COBL: variants seen among roughly 807,000 people sequenced by gnomAD.
COBL encodes protein cordon-bleu.
Under a neutral mutation model 98.8 loss-of-function variants are expected in COBL, and 51 were observed. The observed-to-expected ratio is 0.52, with a 90% CI of 0.41 to 0.65. The LOEUF (loss-of-function observed/expected upper bound fraction) is 0.65, where lower values mean the gene tolerates loss of function less well. Ranked by LOEUF, COBL falls within the 30% of genes least tolerant of loss-of-function variation. The pLI is 0.00. For missense variants in COBL, 1,617 were observed against 1,617.5 expected (o/e 1.00, Z 0.01); for synonymous variants, 634 against 651.7 (o/e 0.97, Z 0.41).
intron 1 of COBL, among the ~76,000 whole-genome samples, chr7:51,301,822 G>C (rs983895714): frequency 2.6e-5 from 4 of 152,212 alleles, no homozygotes; most frequent in African/African-American, 9.6e-5. Context: ...ACTGTGCTGG[G>C]AACCCCTGTG....
chr7:51,064,881 C>T (rs1199888858), intron 7 of COBL: 1 of 442,184 alleles, frequency 2.3e-6, no homozygotes, highest in East Asian at 3.6e-5. Context: ...CAGGCCTGAG[C>T]ACAGTCTCCA....
At chr7:51,025,081 T>G (rs761769075) in intron 12 of COBL, 28 bp downstream of exon 12, 4 of 1,611,756 alleles carry the variant, frequency 2.5e-6, no homozygotes, top group Non-Finnish European at 3.4e-6. Flanking sequence ...CTGGCCCCAT[T>G]GAAATGCGCA....
At chr7:51,287,843 AG>A (rs1230118155) in intron 1 of COBL, among the ~76,000 whole-genome samples, 7 of 152,176 alleles carry the variant, frequency 4.6e-5, no homozygotes, top group Non-Finnish European at 7.3e-5. Flanking sequence ...TCAAAAAAAA[AG>A]AAAAAAAAAT....
In COBL at chr7:51,017,338, T is replaced by C. The variant is rs1214644035; in HGVS notation, c.*213A>G. ...TTAAGATATTCAGAGGCAAAACACA[T>C]TTCCTTGGCACACGAGCTGCGCAGC... On this transcript the variant is annotated 3_prime_UTR_variant, in exon 13 of 13. Coordinates refer to ENST00000265136, the MANE Select transcript of COBL (RefSeq NM_015198.5). 1 of 607,464 alleles carries C rather than the reference T, an allele frequency of 1.6e-6. No individual in the cohort carries two copies. Among genetic ancestry groups the C allele is most frequent in the East Asian group, 2.8e-5 (1 of 36,348 alleles). The allele number at this position is 607,464 out of a possible 1,614,324, so 37.6% of individuals were successfully genotyped here.
chr7:51,209,046 T>TAAAAAAAAA (rs572689062), intron 2 of COBL, among the ~76,000 whole-genome samples: 1 of 43,432 alleles, frequency 2.3e-5, no homozygotes, highest in African/African-American at 8.1e-5. Flanking sequence ...AATGATCAAT[T>TAAAAAAAAA]AAAAAAAAAA....
rs542063209 is a variant in COBL at position 51,101,483 on chromosome 7, AT to A, written c.958-16180del. On this transcript the variant is annotated intron_variant, in intron 6 of 12. Transcript: ENST00000265136. The stretch of plus-strand genomic sequence containing the variant: ...TAACTTGTCCAAGATCATACAAGTA[AT>A]AAGTGAGCAGAGTGAGGATTTAGCT... Among the ~76,000 whole-genome samples, 9 of 152,370 alleles carry A rather than the reference AT, an allele frequency of 5.9e-5. No individual in the cohort carries two copies. In the East Asian group the frequency reaches 1.7e-3, roughly 29 times the overall value.
intron 1 of COBL, among the ~76,000 whole-genome samples, chr7:51,309,761 C>A (rs1802836178): frequency 6.6e-6 from 1 of 152,240 alleles, no homozygotes; most frequent in Non-Finnish European, 1.5e-5. Context: ...TCACAGGCCA[C>A]AAACCAATGA....
chr7:51,072,204 T>G (rs1792628154), intron 7 of COBL: 1 of 152,116 alleles, frequency 6.6e-6, no homozygotes, highest in Non-Finnish European at 1.5e-5. Flanking sequence ...GAGAGAAACA[T>G]GACAAGCTTC....
At chr7:51,078,609 G>A (rs1481009442) in intron 7 of COBL, among the ~76,000 whole-genome samples, 3 of 152,188 alleles carry the variant, frequency 2.0e-5, no homozygotes, top group Non-Finnish European at 2.9e-5. Context: ...AAAATGTAGA[G>A]GCTTAAAACA....
intron 2 of COBL, among the ~76,000 whole-genome samples, chr7:51,209,046 T>TAAAAAAAAAAA (rs572689062): frequency 6.9e-5 from 3 of 43,424 alleles, no homozygotes; most frequent in African/African-American, 2.4e-4. Context: ...AATGATCAAT[T>TAAAAAAAAAAA]AAAAAAAAAA....
At chr7:51,091,854 G>T (rs980484986) in intron 6 of COBL, among the ~76,000 whole-genome samples, 1 of 152,156 alleles carries the variant, frequency 6.6e-6, no homozygotes, top group South Asian at 2.1e-4. Context: ...TTGCAAGCCA[G>T]AAGAGGGTGG....
rs1359491135 is a variant in COBL at position 51,028,719 on chromosome 7, A to T, written c.2377T>A (p.Ser793Thr). ...PSESSARGPP[S>T]TPVPTQTQNP... ...TGCGTCTGCGTGGGCACAGGGGTGG[A>T]GGGGGGTCCCCTGGCAGAGCTCTCT... The change falls in exon 10 of 13, where the codon TCC becomes ACC. Residue 793 changes from serine to threonine, a missense_variant. Transcript: ENST00000265136. The T allele has an allele frequency of 6.2e-7, 1 of 1,613,878 alleles. No individual in the cohort carries two copies. Among genetic ancestry groups the T allele is most frequent in the South Asian group, 1.1e-5 (1 of 91,048 alleles).
At chr7:51,156,631 G>T in intron 5 of COBL, 1 of 973,034 alleles carries the variant, frequency 1.0e-6, no homozygotes. Flanking sequence ...TTGAGAAATA[G>T]CTAGTCATTT....
intron 1 of COBL, among the ~76,000 whole-genome samples, chr7:51,273,943 G>A (rs1199842642): frequency 6.6e-6 from 1 of 152,106 alleles, no homozygotes; most frequent in East Asian, 1.9e-4. Context: ...AACTCCCCCT[G>A]TAGCAGTTGG....
intron 1 of COBL, among the ~76,000 whole-genome samples, chr7:51,243,497 A>G (rs1795996783): frequency 6.6e-6 from 1 of 152,246 alleles, no homozygotes; most frequent in African/African-American, 2.4e-5. Context: ...AATCTTGTAT[A>G]TATCTATGAA....
intron 1 of COBL, among the ~76,000 whole-genome samples, chr7:51,267,266 G>A (rs1798302784): frequency 6.6e-6 from 1 of 152,084 alleles, no homozygotes. Flanking sequence ...AAAACTTTAT[G>A]AAAGATTTTC....
chr7:51,038,854 G>A (rs2128882807), intron 8 of COBL, among the ~76,000 whole-genome samples: 1 of 152,348 alleles, frequency 6.6e-6, no homozygotes, highest in East Asian at 1.9e-4. Flanking sequence ...CTTTGCCTGA[G>A]CCCCAAGGCC....
intron 7 of COBL, chr7:51,082,937 G>A (rs1397637712): frequency 1.1e-6 from 1 of 888,172 alleles, no homozygotes; most frequent in Non-Finnish European, 1.8e-6. Context: ...AACAAGAGCT[G>A]AGAAGGAAAG....
At chr7:51,032,928 T>C (rs1788299738) in intron 8 of COBL, 1 of 152,208 alleles carries the variant, frequency 6.6e-6, no homozygotes, top group South Asian at 2.1e-4. Context: ...TTTTAAATGC[T>C]TGCTCTTAGT....
Sources: gnomAD v4.1 joint callset for allele counts (sites outside exome capture counted in the v4.1 genomes callset) on GRCh38, gnomAD v4.1.1 for gene constraint, MANE v1.5 for transcripts, NCBI Gene and HGNC (gene_info 2026-07-23, HGNC 2026-07-21) for gene names.